The following PPP1R37 variants were observed in gnomAD, a reference collection of about 807,000 sequenced individuals.
The protein encoded by PPP1R37 is protein phosphatase 1 regulatory subunit 37, also known as leucine rich repeat containing 68.
In PPP1R37, 21 loss-of-function variants were observed where a neutral mutation model predicts 61.0. The ratio of observed to expected loss-of-function variants is 0.34; its 90% CI spans 0.24 to 0.50. The LOEUF (loss-of-function observed/expected upper bound fraction) is 0.50. PPP1R37 is among the 20% of genes least tolerant of loss of function. PPP1R37 has a pLI of 0.98. For synonymous variants in PPP1R37, 443 were observed against 433.5 expected, an observed-to-expected ratio of 1.02 and a Z score of -0.27; for missense variants, 910 against 952.7, an observed-to-expected ratio of 0.96 and a Z score of 0.59.
intron 1 of PPP1R37, among the ~76,000 whole-genome samples, chr19:45,124,296 G>T (rs976007528): frequency 2.6e-5 from 4 of 152,026 alleles, no homozygotes; most frequent in African/African-American, 7.2e-5. Context: ...GTAAAGGGGA[G>T]GGAGAATGTG....
intron 1 of PPP1R37, among the ~76,000 whole-genome samples, chr19:45,126,608 C>T (rs1298357388): frequency 1.3e-5 from 2 of 152,206 alleles, no homozygotes; most frequent in Admixed American, 6.5e-5. Flanking sequence ...TGGAAAATAC[C>T]ACAATAAGTG....
chr19:45,120,228 A>G (rs556761682), intron 1 of PPP1R37, among the ~76,000 whole-genome samples: 12 of 152,252 alleles, frequency 7.9e-5, no homozygotes, highest in East Asian at 5.8e-4. Flanking sequence ...TGTGTTAGCC[A>G]GGATGGTCTC....
intron 1 of PPP1R37, among the ~76,000 whole-genome samples, chr19:45,118,298 C>T (rs1968296340): frequency 6.6e-6 from 1 of 152,180 alleles, no homozygotes; most frequent in African/African-American, 2.4e-5. Context: ...GGGCCTGTGA[C>T]CTGTGTCACA....
At chr19:45,143,481 C>A (rs559446007) in intron 7 of PPP1R37, 40 bp from the exon 8 acceptor site, 2 of 1,310,686 alleles carry the variant, frequency 1.5e-6, no homozygotes, top group South Asian at 2.5e-5. Context: ...CAGGAAGCAC[C>A]CGGACCCCAG....
intron 1 of PPP1R37, among the ~76,000 whole-genome samples, chr19:45,111,282 T>C (rs929399023): frequency 6.6e-6 from 1 of 151,406 alleles, no homozygotes; most frequent in African/African-American, 2.4e-5. Flanking sequence ...TTATTATTAT[T>C]ATTTTTAATT....
chr19:45,123,526 G>A (rs996110860), intron 1 of PPP1R37, among the ~76,000 whole-genome samples: 1 of 152,180 alleles, frequency 6.6e-6, no homozygotes, highest in Non-Finnish European at 1.5e-5. Flanking sequence ...AGGGCTTCAG[G>A]GTACTGATGC....
intron 7 of PPP1R37, chr19:45,143,304 A>G (rs1324114245): frequency 3.9e-6 from 2 of 512,104 alleles, no homozygotes; most frequent in Non-Finnish European, 7.1e-6. Context: ...AGCAAAGATC[A>G]GAAGCATCTG....
At chr19:45,117,495 G>T (rs1968284445) in intron 1 of PPP1R37, among the ~76,000 whole-genome samples, 1 of 152,140 alleles carries the variant, frequency 6.6e-6, no homozygotes, top group Admixed American at 6.5e-5. Flanking sequence ...CAACCAGCCC[G>T]CTCCTGCACG....
chr19:45,118,640 T>TA (rs1968299855), intron 1 of PPP1R37, among the ~76,000 whole-genome samples: 1 of 152,198 alleles, frequency 6.6e-6, no homozygotes, highest in African/African-American at 2.4e-5. Flanking sequence ...ACACCACAGT[T>TA]ACGGACTTGT....
chr19:45,135,660 C>T (rs1968529809), intron 1 of PPP1R37, among the ~76,000 whole-genome samples: 1 of 152,076 alleles, frequency 6.6e-6, no homozygotes, highest in Middle Eastern at 3.2e-3. Flanking sequence ...CCCTGCTTCA[C>T]AGAGTCGATG....
chr19:45,108,854 TG>T (rs1166262837), intron 1 of PPP1R37: 2 of 152,230 alleles, frequency 1.3e-5, no homozygotes, highest in African/African-American at 4.8e-5. Flanking sequence ...TTGGTCAGGC[TG>T]GTCTGTAACT....
rs569534386 is a variant in PPP1R37, at chr19:45,095,678, A to G, written c.202+2151A>G. 6.6e-4 allele frequency among the ~76,000 whole-genome samples: 100 copies of G among 150,870 alleles called. 1 individual carries two copies. Among genetic ancestry groups the G allele is most frequent in the African/African-American group, 2.4e-3 (100 of 41,050 alleles). On this transcript the variant is annotated intron_variant, in intron 1 of 12. Coordinates refer to ENST00000221462, the MANE Select transcript of PPP1R37 (RefSeq NM_019121.2). ...CTCAGGAGGCTGAAGTGGGAGGATCATTTGAGCCCAGGAGGTCGATAGTGC... is the reference window on the plus strand; with the variant it reads ...CTCAGGAGGCTGAAGTGGGAGGATCGTTTGAGCCCAGGAGGTCGATAGTGC...
In PPP1R37 at chr19:45,143,548, A is replaced by G; in HGVS notation, c.902A>G (p.Lys301Arg). The G allele has an allele frequency of 2.0e-6, 3 of 1,535,548 alleles. No individual in the cohort carries two copies. Among genetic ancestry groups the G allele is most frequent in the Non-Finnish European group, 2.6e-6 (3 of 1,146,418 alleles). Residue 301 changes from lysine (K) to arginine (R), a missense_variant, in exon 8 of 13, where the codon AAG becomes AGG. Transcript: ENST00000221462. Reference protein sequence around the residue: ...SGLAYICEGLKEQRKGLVTLV... With the variant: ...SGLAYICEGLREQRKGLVTLV... ...CTGGCCTACATCTGCGAGGGCCTCA[A>G]GGAGCAGAGGAAGGGGCTGGTGACC...
intron 1 of PPP1R37, among the ~76,000 whole-genome samples, chr19:45,103,436 C>T (rs998463425): frequency 2.0e-5 from 3 of 152,230 alleles, no homozygotes; most frequent in Admixed American, 6.5e-5. Context: ...AGCAAGCTGG[C>T]GCTTGGGACC....
intron 7 of PPP1R37, 56 bp from the exon 8 acceptor site, chr19:45,143,465 C>T (rs1968640491): frequency 9.2e-7 from 1 of 1,087,020 alleles, no homozygotes; most frequent in Non-Finnish European, 1.3e-6. Context: ...CCTGCAGTCC[C>T]CTCCCCAGGA....
At chr19:45,134,404 G>A (rs990383143) in intron 1 of PPP1R37, among the ~76,000 whole-genome samples, 8 of 152,134 alleles carry the variant, frequency 5.3e-5, no homozygotes, top group Non-Finnish European at 1.2e-4. Context: ...TGGGCCTGGC[G>A]GGTGTGAGTG....
At chr19:45,107,011 T>G (rs1465996235) in intron 1 of PPP1R37, among the ~76,000 whole-genome samples, 3 of 151,616 alleles carry the variant, frequency 2.0e-5, no homozygotes, top group African/African-American at 7.3e-5. Flanking sequence ...AGAGACGGGA[T>G]TTCACCATGT....
rs1053277455 is a variant in PPP1R37, at chr19:45,130,120, C to G, written c.203-8394C>G. ...TTGACTCGCCTGTGTCCCACAACCC[C>G]TCTTGGAGCTGGAGCACTAGCGGGG... On this transcript the variant is annotated intron_variant, in intron 1 of 12. Transcript: ENST00000221462. The surrounding 1 kb of genome is among the most constrained non-coding windows in gnomAD (Gnocchi z 4.4). Among the ~76,000 whole-genome samples, 1 of 152,130 alleles carries G rather than the reference C, an allele frequency of 6.6e-6. No individual in the cohort carries two copies. The highest frequency in any genetic ancestry group is 1.5e-5 in the Non-Finnish European group (1 of 68,014).
chr19:45,141,946 T>C (rs1230893450), intron 5 of PPP1R37, 115 bp from the exon 6 acceptor site: 6 of 1,165,720 alleles, frequency 5.1e-6, no homozygotes, highest in Non-Finnish European at 7.0e-6. Context: ...TCGTTGCTCA[T>C]TGAGACATGG....
Sources: gnomAD v4.1 joint callset for allele counts (sites outside exome capture counted in the v4.1 genomes callset) on GRCh38, gnomAD v4.1.1 for gene constraint, Gnocchi (gnomAD v3.1) non-coding constraint, MANE v1.5 for transcripts, NCBI Gene and HGNC (gene_info 2026-07-23, HGNC 2026-07-21) for gene names.